SEMA3A: variants seen among roughly 807,000 people sequenced by gnomAD.
The protein encoded by SEMA3A is semaphorin 3A, also known as semaphorin-3A.
Under a neutral mutation model 97.9 loss-of-function variants are expected in SEMA3A, and 29 were observed. That is an observed-to-expected ratio of 0.30 (90% confidence interval 0.22 to 0.40). The LOEUF is 0.40. Ranked by LOEUF, SEMA3A falls within the 10% of genes least tolerant of loss-of-function variation. SEMA3A has a pLI of 1.00. For missense variants in SEMA3A, 763 were observed against 951.3 expected, an observed-to-expected ratio of 0.80 and a Z score of 2.60; for synonymous variants, 321 against 323.7, an observed-to-expected ratio of 0.99 and a Z score of 0.09.
At chr7:84,143,428 A>G (rs953752967) in intron 1 of SEMA3A, among the ~76,000 whole-genome samples, 9 of 152,068 alleles carry the variant, frequency 5.9e-5, no homozygotes, top group African/African-American at 1.9e-4. Flanking sequence ...GTCTCTCCAT[A>G]TATTTCAAGT....
At chr7:84,473,962 C>A (rs1309202021) in intron 1 of SEMA3A, among the ~76,000 whole-genome samples, 2 of 152,182 alleles carry the variant, frequency 1.3e-5, no homozygotes, top group African/African-American at 4.8e-5. Context: ...AAGTCAGGAT[C>A]TTGTTGAAGA....
chr7:84,185,692 GAAAAAAAAAAA>G lies in SEMA3A; in HGVS notation c.112+8772_112+8782del, dbSNP rs71078810. ...GGTGACAAGAGAGAAACTCTGGCAGGAAAAAAAAAAAAAAAAAAAAAGGAAAGAAATAATGA... is the reference window on the plus strand; with the variant it reads ...GGTGACAAGAGAGAAACTCTGGCAGGAAAAAAAAAAGGAAAGAAATAATGA... On this transcript the variant is annotated intron_variant, in intron 1 of 16. Transcript: ENST00000265362. 1.0e-4 allele frequency among the ~76,000 whole-genome samples: 8 copies of G among 78,096 alleles called. 1 individual carries two copies. The highest frequency in any genetic ancestry group is 3.5e-4 in the Admixed American group (2 of 5,710). 51.2% of individuals were successfully genotyped at this position (78,096 alleles called of 152,430 possible).
In SEMA3A at chr7:84,320,355, AAT is replaced by A. The variant is rs540048405; in HGVS notation, c.-168-13065_-168-13064del. ...TACTCTGTTAGGATATAGTTAAAAT[AAT>A]ATGTTTCTTCCAGTACAATGAAAAA... On this transcript the variant is annotated intron_variant, in intron 2 of 3. Transcript: ENST00000424555. 1.2e-3 allele frequency among the ~76,000 whole-genome samples: 181 copies of A among 152,260 alleles called. 2 individuals are homozygous for A. The highest frequency in any genetic ancestry group is 4.3e-3 in the African/African-American group (180 of 41,578).
At chr7:84,474,459 C>T (rs1055694137) in intron 1 of SEMA3A, among the ~76,000 whole-genome samples, 2 of 151,650 alleles carry the variant, frequency 1.3e-5, no homozygotes, top group Non-Finnish European at 3.0e-5. Context: ...TCTCTCTCTC[C>T]CAGAGTAACA....
At chr7:84,150,177 T>C (rs1205984010) in intron 1 of SEMA3A, among the ~76,000 whole-genome samples, 1 of 152,230 alleles carries the variant, frequency 6.6e-6, no homozygotes, top group Non-Finnish European at 1.5e-5. Flanking sequence ...CTCAAATTAA[T>C]AAATTGTTAC....
chr7:84,346,686 T>G (rs553549518), intron 2 of SEMA3A, among the ~76,000 whole-genome samples: 2 of 152,236 alleles, frequency 1.3e-5, no homozygotes, highest in African/African-American at 4.8e-5. Flanking sequence ...CCAAAACAAC[T>G]ACAATAGTAA....
chr7:84,110,424 A>G, intron 4 of SEMA3A, 46 bp downstream of exon 4: 1 of 1,604,124 alleles, frequency 6.2e-7, no homozygotes, highest in Non-Finnish European at 8.5e-7. Flanking sequence ...CATTTTGAAT[A>G]GAAAGGGGTC....
chr7:84,132,067 C>T (rs539959090), intron 2 of SEMA3A, among the ~76,000 whole-genome samples: 3 of 152,244 alleles, frequency 2.0e-5, no homozygotes, highest in African/African-American at 7.2e-5. Context: ...CAGGGCTTGG[C>T]CTCCCAACCT....
chr7:84,366,997 A>C (rs1802863685), intron 2 of SEMA3A, among the ~76,000 whole-genome samples: 2 of 150,738 alleles, frequency 1.3e-5, no homozygotes, highest in African/African-American at 2.4e-5. Context: ...AAAAAAAAAA[A>C]CCTTAATTTT....
At chr7:84,294,510 C>T (rs1280334402) in intron 3 of SEMA3A, among the ~76,000 whole-genome samples, 1 of 151,988 alleles carries the variant, frequency 6.6e-6, no homozygotes, top group African/African-American at 2.4e-5. Flanking sequence ...TTCCTATATT[C>T]TTCTCATGGG....
intron 1 of SEMA3A, among the ~76,000 whole-genome samples, chr7:84,407,214 A>T (rs1004812480): frequency 1.4e-4 from 21 of 152,382 alleles, no homozygotes; most frequent in African/African-American, 2.2e-4. Flanking sequence ...CTCAGGATAC[A>T]AAATCAATGT....
At chr7:83,990,870 C>T in intron 12 of SEMA3A, among the ~76,000 whole-genome samples, 1 of 151,384 alleles carries the variant, frequency 6.6e-6, no homozygotes, top group Non-Finnish European at 1.5e-5. Flanking sequence ...GCATTGGTAG[C>T]TTGATGGGGA....
At chr7:83,962,965 C>A (rs947985874) in intron 16 of SEMA3A, among the ~76,000 whole-genome samples, 3 of 151,934 alleles carry the variant, frequency 2.0e-5, no homozygotes, top group Admixed American at 2.0e-4. Flanking sequence ...TAATATGTAT[C>A]CCCAAACTGC....
intron 3 of SEMA3A, among the ~76,000 whole-genome samples, chr7:84,243,068 T>G (rs1318193194): frequency 1.3e-5 from 2 of 152,236 alleles, no homozygotes. Context: ...TATTGAAGAT[T>G]TTCATATCGA....
chr7:83,970,173 T>C (rs1454970697), intron 15 of SEMA3A, among the ~76,000 whole-genome samples: 1 of 152,162 alleles, frequency 6.6e-6, no homozygotes, highest in Non-Finnish European at 1.5e-5. Context: ...TGTTTCAATA[T>C]GTTGCAGCTG....
At chr7:84,145,989 G>A (rs1330246730) in intron 1 of SEMA3A, among the ~76,000 whole-genome samples, 1 of 151,994 alleles carries the variant, frequency 6.6e-6, no homozygotes, top group East Asian at 1.9e-4. Context: ...TCTAAACCCG[G>A]CTTGCTGCCT....
intron 1 of SEMA3A, among the ~76,000 whole-genome samples, chr7:84,408,921 C>A (rs1349070002): frequency 2.0e-5 from 3 of 151,888 alleles, no homozygotes; most frequent in Non-Finnish European, 4.4e-5. Context: ...GGAGGGATCG[C>A]ATTAGGAGAT....
intron 1 of SEMA3A, among the ~76,000 whole-genome samples, chr7:84,487,224 G>A (rs973023043): frequency 2.0e-5 from 3 of 152,126 alleles, no homozygotes; most frequent in African/African-American, 7.2e-5. Flanking sequence ...TGCAAATCCA[G>A]ACCCAGGTGG....
chr7:84,123,813 T>C (rs1371755022), intron 3 of SEMA3A, among the ~76,000 whole-genome samples: 4 of 149,826 alleles, frequency 2.7e-5, no homozygotes, highest in Non-Finnish European at 5.9e-5. Context: ...TCTGATAACC[T>C]GATATATATA....
Sources: allele counts gnomAD v4.1 joint callset (sites outside exome capture counted in the v4.1 genomes callset), GRCh38; gene constraint gnomAD v4.1.1; transcripts MANE v1.5; gene names NCBI Gene and HGNC (gene_info 2026-07-23, HGNC 2026-07-21).